The following RABGEF1 variants were observed in gnomAD, a reference collection of about 807,000 sequenced individuals.
RABGEF1 encodes RAB guanine nucleotide exchange factor 1, also known as rab5 GDP/GTP exchange factor.
In RABGEF1, 26 loss-of-function variants were observed where a neutral mutation model predicts 57.3. The ratio of observed to expected loss-of-function variants is 0.45; its 90% CI spans 0.33 to 0.63. The LOEUF (loss-of-function observed/expected upper bound fraction) is 0.63, where lower values mean the gene tolerates loss of function less well. Ranked by LOEUF, RABGEF1 falls within the 20% of genes least tolerant of loss-of-function variation. The probability of loss-of-function intolerance (pLI) is 0.02; values close to 1 mark genes in which losing one functional copy is unlikely to be tolerated. For missense variants in RABGEF1, 464 were observed against 607.6 expected (o/e 0.76, Z 2.48); for synonymous variants, 185 against 210.7 (o/e 0.88, Z 1.06).
At position 66,809,112 on chromosome 7, in the gene RABGEF1, A is replaced by G. The variant is rs759329443; in HGVS notation, c.1304A>G (p.Glu435Gly). The G allele has an allele frequency of 2.5e-6, 4 of 1,614,140 alleles. No homozygotes were observed. The South Asian group carries it at 4.4e-5, about 18-fold the overall frequency. Residue 435 changes from glutamate to glycine, a missense_variant, in exon 9 of 9, where the codon GAA (glutamate) becomes GGA (glycine). Physicochemically the swap from Glu to Gly is moderately conservative, Grantham distance 98. Transcript: ENST00000284957. ...ATCATGAATGAAGCCAAGAAACTGG[A>G]AAAAGACCTCATAGATTGGACAGAT... ...ERIMNEAKKLEKDLIDWTDGI... is the reference protein window; with the variant it reads ...ERIMNEAKKLGKDLIDWTDGI...
chr7:66,753,886 T>C (rs1358954042), intron 1 of RABGEF1, among the ~76,000 whole-genome samples: 3 of 151,418 alleles, frequency 2.0e-5, no homozygotes, highest in Non-Finnish European at 2.9e-5. Context: ...TTTGTATTTT[T>C]AGTAGAGATG....
chr7:66,768,657 G>A (rs1806336067), intron 1 of RABGEF1, among the ~76,000 whole-genome samples: 1 of 152,136 alleles, frequency 6.6e-6, no homozygotes. Flanking sequence ...TCTGAGACCT[G>A]CATAGTGGTC....
intron 2 of RABGEF1, among the ~76,000 whole-genome samples, chr7:66,734,368 G>A (rs1282792963): frequency 6.6e-6 from 1 of 152,158 alleles, no homozygotes; most frequent in Admixed American, 6.5e-5. Flanking sequence ...TGTGTATTCT[G>A]GGTAAGATGC....
intron 8 of RABGEF1, among the ~76,000 whole-genome samples, chr7:66,806,608 A>G (rs981960840): frequency 6.7e-6 from 1 of 149,640 alleles, no homozygotes; most frequent in Admixed American, 6.7e-5. Flanking sequence ...TAAGTGGCCC[A>G]TATAGAATGA....
chr7:66,757,404 A>G (rs1399480560), intron 1 of RABGEF1, among the ~76,000 whole-genome samples: 1 of 151,994 alleles, frequency 6.6e-6, no homozygotes, highest in African/African-American at 2.4e-5. Context: ...ATAGTGTTTT[A>G]TTTTCTTTAG....
At chr7:66,656,263 C>G in the RABGEF1 span, among the ~76,000 whole-genome samples, 2 of 152,022 alleles carry the variant, frequency 1.3e-5, no homozygotes, top group African/African-American at 2.4e-5. Flanking sequence ...ACTGCAGATG[C>G]GTGCCACCAC....
chr7:66,750,126 G>C (rs764783646), intron 1 of RABGEF1, among the ~76,000 whole-genome samples: 63 of 152,208 alleles, frequency 4.1e-4, no homozygotes, highest in Admixed American at 1.3e-4. Context: ...AGTTGGGGTT[G>C]TATTGAGAAT....
upstream of RABGEF1, among the ~76,000 whole-genome samples, chr7:66,738,731 CA>C (rs546724986): frequency 2.2e-3 from 207 of 94,960 alleles, no homozygotes; most frequent in Middle Eastern, 4.9e-3. Context: ...GACTCTAACT[CA>C]AAAAAAAAAA....
chr7:66,672,137 A>C, the RABGEF1 span, among the ~76,000 whole-genome samples: 1 of 151,550 alleles, frequency 6.6e-6, no homozygotes, highest in Non-Finnish European at 1.5e-5. Context: ...ATAAAAAAAA[A>C]CCTGGCCGGG....
intron 1 of RABGEF1, among the ~76,000 whole-genome samples, chr7:66,696,010 T>C (rs1448251960): frequency 6.7e-6 from 1 of 150,180 alleles, no homozygotes; most frequent in Non-Finnish European, 1.5e-5. Flanking sequence ...GCACCTTGGC[T>C]GGGGAGAGAC....
At chr7:66,729,274 C>T (rs1484549713) in intron 2 of RABGEF1, among the ~76,000 whole-genome samples, 2 of 151,018 alleles carry the variant, frequency 1.3e-5, no homozygotes, top group Non-Finnish European at 3.0e-5. Flanking sequence ...TACCACCATC[C>T]TCGCCTTCAT....
intron 3 of RABGEF1, among the ~76,000 whole-genome samples, chr7:66,783,033 G>T (rs1810326982): frequency 6.6e-6 from 1 of 152,166 alleles, no homozygotes; most frequent in East Asian, 1.9e-4. Flanking sequence ...AGAGGGGAAA[G>T]AATTGTCTGC....
intron 3 of RABGEF1, among the ~76,000 whole-genome samples, chr7:66,781,558 C>T (rs1317549220): frequency 6.6e-6 from 1 of 152,122 alleles, no homozygotes; most frequent in African/African-American, 2.4e-5. Context: ...TGTTCCCCTC[C>T]CTAAACAGGA....
intron 4 of RABGEF1, among the ~76,000 whole-genome samples, chr7:66,786,356 G>A (rs949593738): frequency 2.6e-5 from 4 of 152,200 alleles, no homozygotes; most frequent in African/African-American, 9.6e-5. Flanking sequence ...CAGTATGGCA[G>A]TATAATGCTT....
the RABGEF1 span, among the ~76,000 whole-genome samples, chr7:66,663,120 C>T: frequency 1.3e-5 from 2 of 152,388 alleles, no homozygotes; most frequent in East Asian, 3.8e-4. Context: ...GTCTTAAGGG[C>T]GTGTTCCTGC....
chr7:66,768,072 C>A (rs1043692325), intron 1 of RABGEF1, among the ~76,000 whole-genome samples: 17 of 152,162 alleles, frequency 1.1e-4, no homozygotes, highest in African/African-American at 4.1e-4. Flanking sequence ...CTACTATAAC[C>A]GTTTGCGTAT....
the RABGEF1 span, among the ~76,000 whole-genome samples, chr7:66,655,087 G>T: frequency 6.6e-6 from 1 of 152,340 alleles, no homozygotes; most frequent in East Asian, 1.9e-4. Context: ...CCAGACCACA[G>T]CTCTTGGCCG....
At chr7:66,716,433 C>G (rs145745788) in intron 2 of RABGEF1, among the ~76,000 whole-genome samples, 31 of 152,216 alleles carry the variant, frequency 2.0e-4, no homozygotes, top group Non-Finnish European at 3.4e-4. Context: ...AAACCTGTCT[C>G]TACCAAAAAT....
Position 66,741,857 on chromosome 7 carries a change from G to T in RABGEF1, c.-18+1065G>T, listed in dbSNP as rs546071244. Among the ~76,000 whole-genome samples, 13 of 152,244 alleles carry T rather than the reference G, an allele frequency of 8.5e-5. No individual in the cohort carries two copies. The South Asian group carries it at 2.5e-3, about 29-fold the overall frequency. Reference sequence around the variant, plus strand: ...AACTGCTGTTAAAGAGTGTGTTCCGGCCGGGTGCGGTGGCTCACGTCTGTA... The same window carrying T: ...AACTGCTGTTAAAGAGTGTGTTCCGTCCGGGTGCGGTGGCTCACGTCTGTA... On this transcript the variant is annotated intron_variant, in intron 1 of 8. Transcript: ENST00000284957.
Sources: gnomAD v4.1 joint callset for allele counts (sites outside exome capture counted in the v4.1 genomes callset) on GRCh38, gnomAD v4.1.1 for gene constraint, MANE v1.5 for transcripts, NCBI Gene and HGNC (gene_info 2026-07-23, HGNC 2026-07-21) for gene names.